CACNB4: variants seen among roughly 807,000 people sequenced by gnomAD.
CACNB4 encodes the protein voltage-dependent L-type calcium channel subunit beta-4.
Under a neutral mutation model 71.2 loss-of-function variants are expected in CACNB4, and 32 were observed. That is an observed-to-expected ratio of 0.45 (90% CI 0.34 to 0.60). The LOEUF (loss-of-function observed/expected upper bound fraction) is 0.60, where lower values mean the gene tolerates loss of function less well. Ranked by LOEUF, CACNB4 falls within the 20% of genes least tolerant of loss-of-function variation. The pLI is 0.01. For missense variants in CACNB4, 464 were observed against 647.9 expected, an observed-to-expected ratio of 0.72 and a Z score of 3.08; for synonymous variants, 231 against 236.9, an observed-to-expected ratio of 0.97 and a Z score of 0.23.
At chr2:151,933,358 G>A (rs1487489511) in intron 2 of CACNB4, among the ~76,000 whole-genome samples, 1 of 151,742 alleles carries the variant, frequency 6.6e-6, no homozygotes, top group African/African-American at 2.4e-5. Flanking sequence ...AAGACAGTAA[G>A]GCATCCTGAC....
At position 151,998,513 on chromosome 2, in the gene CACNB4, T is replaced by C. The variant is rs537402781; in HGVS notation, c.147+99817A>G. Reference sequence around the variant, plus strand: ...ACTTCTCAGAACCTCAGCTGTCTTATTGGTAAAATGAAACCATAAGTGCCA... The same window carrying C: ...ACTTCTCAGAACCTCAGCTGTCTTACTGGTAAAATGAAACCATAAGTGCCA... On this transcript the variant is annotated intron_variant, in intron 2 of 13. Transcript: ENST00000539935. Among the ~76,000 whole-genome samples, 7 of 152,254 alleles carry C rather than the reference T, an allele frequency of 4.6e-5. No homozygotes were observed. In the East Asian group the frequency reaches 1.4e-3, roughly 29 times the overall value.
At chr2:151,963,271 C>G (rs1285514101) in intron 2 of CACNB4, among the ~76,000 whole-genome samples, 1 of 146,326 alleles carries the variant, frequency 6.8e-6, no homozygotes, top group Non-Finnish European at 1.5e-5. Context: ...GAGATTGCGC[C>G]ACTGCACTCC....
intron 12 of CACNB4, among the ~76,000 whole-genome samples, chr2:151,844,243 A>C (rs2099836974): frequency 6.6e-6 from 1 of 152,204 alleles, no homozygotes; most frequent in South Asian, 2.1e-4. Flanking sequence ...TCTATGTCAC[A>C]CTGGGACTTT....
intron 4 of CACNB4, among the ~76,000 whole-genome samples, chr2:151,878,333 T>C (rs551361715): frequency 7.2e-5 from 11 of 152,130 alleles, no homozygotes; most frequent in Non-Finnish European, 1.6e-4. Flanking sequence ...ATGAGAAATA[T>C]GTTCTGGTAA....
intron 2 of CACNB4, among the ~76,000 whole-genome samples, chr2:151,888,832 T>C (rs1159996129): frequency 5.9e-5 from 9 of 152,296 alleles, no homozygotes; most frequent in South Asian, 2.1e-4. Flanking sequence ...AGATAACACA[T>C]GTACAACATA....
At chr2:152,099,049 G>C, upstream of CACNB4, 6 of 1,433,346 alleles carry the variant, frequency 4.2e-6, no homozygotes, top group Non-Finnish European at 5.6e-6. Context: ...GTGTGCGGTG[G>C]GCGGAGGGGG....
At chr2:151,919,451 T>C (rs1261553095) in intron 2 of CACNB4, among the ~76,000 whole-genome samples, 1 of 152,124 alleles carries the variant, frequency 6.6e-6, no homozygotes, top group African/African-American at 2.4e-5. Flanking sequence ...CAGGCTTATA[T>C]CCCTCATTAC....
chr2:151,912,262 G>A (rs191130583), intron 2 of CACNB4, among the ~76,000 whole-genome samples: 112 of 152,274 alleles, frequency 7.4e-4, no homozygotes, highest in Non-Finnish European at 1.2e-3. Flanking sequence ...TGATGTTAGG[G>A]TGTTGATGTG....
chr2:152,021,702 T>C (rs1317985998), intron 2 of CACNB4, among the ~76,000 whole-genome samples: 2 of 152,214 alleles, frequency 1.3e-5, no homozygotes, highest in Non-Finnish European at 2.9e-5. Context: ...TACCATTAGA[T>C]TTAGACTTCA....
intron 2 of CACNB4, among the ~76,000 whole-genome samples, chr2:152,076,136 CTTTT>C (rs35400714): frequency 5.6e-5 from 4 of 71,198 alleles, no homozygotes; most frequent in Admixed American, 2.1e-4. Flanking sequence ...CACCTCTTTT[CTTTT>C]TTTTTTTTTT....
At chr2:152,099,047 T>C (rs1008820450), upstream of CACNB4, 12 of 1,455,936 alleles carry the variant, frequency 8.2e-6, no homozygotes, top group African/African-American at 1.5e-4. Context: ...CCGTGTGCGG[T>C]GGGCGGAGGG....
At chr2:152,089,259 GTGTT>G (rs1403206809) in intron 2 of CACNB4, among the ~76,000 whole-genome samples, 1 of 152,208 alleles carries the variant, frequency 6.6e-6, no homozygotes, top group Non-Finnish European at 1.5e-5. Flanking sequence ...CAACCAGAGT[GTGTT>G]TGGATTGGGG....
chr2:151,946,105 G>A (rs1464007047), intron 2 of CACNB4, among the ~76,000 whole-genome samples: 1 of 152,096 alleles, frequency 6.6e-6, no homozygotes, highest in Non-Finnish European at 1.5e-5. Context: ...AAGGCTGGTA[G>A]ATCACATGAG....
intron 2 of CACNB4, chr2:151,973,697 T>C: frequency 6.2e-7 from 1 of 1,613,622 alleles, no homozygotes; most frequent in Non-Finnish European, 8.5e-7. Context: ...TCCATGCAGG[T>C]ACAAATTGTC....
chr2:151,849,670 C>A (rs1355315227), intron 12 of CACNB4, among the ~76,000 whole-genome samples: 1 of 152,136 alleles, frequency 6.6e-6, no homozygotes, highest in South Asian at 2.1e-4. Context: ...GCTCATGGAG[C>A]CTGGGAGCTG....
chr2:152,030,567 G>C (rs942157254), intron 2 of CACNB4, among the ~76,000 whole-genome samples: 2 of 152,176 alleles, frequency 1.3e-5, no homozygotes, highest in Non-Finnish European at 2.9e-5. Flanking sequence ...CCATTAACTT[G>C]TCATTTACAT....
chr2:152,022,968 C>T (rs1683755345), intron 2 of CACNB4, among the ~76,000 whole-genome samples: 1 of 152,104 alleles, frequency 6.6e-6, no homozygotes, highest in African/African-American at 2.4e-5. Context: ...CAAAGACATA[C>T]CCAAGACTGG....
chr2:151,885,516 T>C (rs1216353535), intron 2 of CACNB4, among the ~76,000 whole-genome samples: 1 of 152,186 alleles, frequency 6.6e-6, no homozygotes, highest in African/African-American at 2.4e-5. Context: ...AAATCAACTT[T>C]TCATCCTCAT....
intron 2 of CACNB4, among the ~76,000 whole-genome samples, chr2:152,011,376 C>T (rs767815362): frequency 2.6e-5 from 4 of 152,136 alleles, no homozygotes; most frequent in Admixed American, 2.6e-4. Context: ...ACTCTGGGCT[C>T]GAACCCAAGC....
Sources: allele counts gnomAD v4.1 joint callset (sites outside exome capture counted in the v4.1 genomes callset), GRCh38; gene constraint gnomAD v4.1.1; transcripts MANE v1.5; gene names NCBI Gene and HGNC (gene_info 2026-07-23, HGNC 2026-07-21).